The following PRELID2 variants were observed in gnomAD, a reference collection of about 807,000 sequenced individuals.
The protein encoded by PRELID2 is PRELI domain containing 2.
PRELID2 carries 25 observed loss-of-function variants against 28.4 expected under a neutral mutation model. The ratio of observed to expected loss-of-function variants is 0.88; its 90% confidence interval spans 0.64 to 1.23. The LOEUF is 1.23. Among genes scored for constraint, PRELID2 ranks in the 50% most tolerant of loss-of-function variants. The pLI is 0.00. For synonymous variants in PRELID2, 76 were observed against 71.6 expected, an observed-to-expected ratio of 1.06 and a Z score of -0.31; for missense variants, 201 against 214.4, an observed-to-expected ratio of 0.94 and a Z score of 0.39.
chr5:145,350,892 G>T, the PRELID2 span, among the ~76,000 whole-genome samples: 1 of 152,098 alleles, frequency 6.6e-6, no homozygotes, highest in African/African-American at 2.4e-5. Flanking sequence ...TGTGAGATTT[G>T]GTCTTAGAAC....
downstream of PRELID2, among the ~76,000 whole-genome samples, chr5:145,755,765 C>T (rs1426642067): frequency 2.0e-5 from 3 of 152,236 alleles, no homozygotes; most frequent in African/African-American, 7.2e-5. Context: ...GAAAACAAAT[C>T]CTGCCGTATT....
chr5:145,483,971 G>A (rs1580954185), intron 1 of PRELID2, among the ~76,000 whole-genome samples: 1 of 152,140 alleles, frequency 6.6e-6, no homozygotes, highest in East Asian at 1.9e-4. Context: ...AAGATTTATT[G>A]AATAAATTAC....
At chr5:145,452,043 A>T in the PRELID2 span, among the ~76,000 whole-genome samples, 2 of 152,194 alleles carry the variant, frequency 1.3e-5, no homozygotes, top group Non-Finnish European at 2.9e-5. Context: ...TGTCCAATGA[A>T]ATATAATATC....
the PRELID2 span, among the ~76,000 whole-genome samples, chr5:145,277,514 T>A: frequency 6.6e-6 from 1 of 152,138 alleles, no homozygotes; most frequent in Non-Finnish European, 1.5e-5. Context: ...TGTCTCTCTT[T>A]ACCTCTTAGC....
intron 1 of PRELID2, among the ~76,000 whole-genome samples, chr5:145,682,376 G>T (rs955347014): frequency 6.6e-6 from 1 of 152,176 alleles, no homozygotes; most frequent in Non-Finnish European, 1.5e-5. Context: ...GCTGAACTAG[G>T]TGATTAGCAC....
At chr5:145,550,047 C>G (rs1257737877) in intron 1 of PRELID2, among the ~76,000 whole-genome samples, 1 of 152,022 alleles carries the variant, frequency 6.6e-6, no homozygotes, top group East Asian at 1.9e-4. Context: ...TCAAATGGGC[C>G]AGCAGACCAA....
At chr5:145,423,991 T>G in the PRELID2 span, among the ~76,000 whole-genome samples, 1 of 151,728 alleles carries the variant, frequency 6.6e-6, no homozygotes, top group Non-Finnish European at 1.5e-5. Context: ...TGGAGTACCC[T>G]GCCGTGTGAG....
chr5:145,336,587 T>C, the PRELID2 span, among the ~76,000 whole-genome samples: 1 of 152,124 alleles, frequency 6.6e-6, no homozygotes, highest in Non-Finnish European at 1.5e-5. Context: ...TAGTTGTAGA[T>C]ATGTGGCGTT....
chr5:145,785,462 ATGT>A (rs1183417523), intron 5 of PRELID2, among the ~76,000 whole-genome samples: 1 of 152,192 alleles, frequency 6.6e-6, no homozygotes, highest in Non-Finnish European at 1.5e-5. Context: ...TCAGCACATG[ATGT>A]ATACTACGAT....
At chr5:145,794,435 G>C (rs953857866) in intron 5 of PRELID2, among the ~76,000 whole-genome samples, 2 of 152,164 alleles carry the variant, frequency 1.3e-5, no homozygotes, top group East Asian at 3.8e-4. Flanking sequence ...CGTGATGCTA[G>C]GTAGGCAAGG....
At chr5:145,383,381 C>T in the PRELID2 span, among the ~76,000 whole-genome samples, 11,031 of 150,244 alleles carry the variant, frequency 0.073, 523 homozygotes, top group South Asian at 0.18. Flanking sequence ...TACACACACA[C>T]ATATGTGGAT....
the PRELID2 span, among the ~76,000 whole-genome samples, chr5:145,346,302 C>A: frequency 2.0e-5 from 3 of 152,090 alleles, no homozygotes; most frequent in Non-Finnish European, 4.4e-5. Context: ...GAATTGCAGT[C>A]AGCATTTGGT....
intron 1 of PRELID2, among the ~76,000 whole-genome samples, chr5:145,655,150 T>C (rs577156352): frequency 0.033 from 4,940 of 151,706 alleles, 163 homozygotes; most frequent in Middle Eastern, 0.14. Context: ...CCATTCACAA[T>C]TGCTTCAAAG....
chr5:145,296,712 T>C, the PRELID2 span, among the ~76,000 whole-genome samples: 1 of 152,116 alleles, frequency 6.6e-6, no homozygotes, highest in Admixed American at 6.6e-5. Context: ...TACCCAGTAA[T>C]GGGATGGCTG....
At chr5:145,484,683 G>T (rs1167985010) in intron 1 of PRELID2, among the ~76,000 whole-genome samples, 1 of 151,998 alleles carries the variant, frequency 6.6e-6, no homozygotes, top group Non-Finnish European at 1.5e-5. Flanking sequence ...TACTCAACTG[G>T]ACACTAAACA....
chr5:145,280,141 G>C, the PRELID2 span, among the ~76,000 whole-genome samples: 1 of 152,104 alleles, frequency 6.6e-6, no homozygotes, highest in Non-Finnish European at 1.5e-5. Context: ...ATAGGGTTCA[G>C]GGGAGCCATT....
chr5:145,336,921 A>G, the PRELID2 span, among the ~76,000 whole-genome samples: 1 of 130,320 alleles, frequency 7.7e-6, no homozygotes, highest in Non-Finnish European at 1.5e-5. Flanking sequence ...ATGAGAACAC[A>G]TGGACCCAGG....
chr5:145,751,408 C>G (rs553659990), downstream of PRELID2, among the ~76,000 whole-genome samples: 13 of 152,308 alleles, frequency 8.5e-5, no homozygotes, highest in African/African-American at 2.9e-4. Flanking sequence ...CAGAACAGGG[C>G]TCTGGAGCAT....
At chr5:145,368,913 A>G in the PRELID2 span, among the ~76,000 whole-genome samples, 1 of 151,748 alleles carries the variant, frequency 6.6e-6, no homozygotes, top group African/African-American at 2.4e-5. Context: ...TCATCACCCA[A>G]GTATTAAGCC....
Sources: gnomAD v4.1 joint callset for allele counts (sites outside exome capture counted in the v4.1 genomes callset) on GRCh38, gnomAD v4.1.1 for gene constraint, MANE v1.5 for transcripts, NCBI Gene and HGNC (gene_info 2026-07-23, HGNC 2026-07-21) for gene names.